The following CADM1 variants were observed in gnomAD, a reference collection of about 807,000 sequenced individuals.
CADM1 encodes cell adhesion molecule 1.
CADM1 carries 15 observed loss-of-function variants against 53.1 expected under a neutral mutation model. That is an observed-to-expected ratio of 0.28 (90% CI 0.19 to 0.44). The LOEUF is 0.44. Ranked by LOEUF, CADM1 falls within the 20% of genes least tolerant of loss-of-function variation. CADM1 has a pLI of 1.00. For missense variants in CADM1, 434 were observed against 611.3 expected (o/e 0.71, Z 3.06); for synonymous variants, 281 against 243.0 (o/e 1.16, Z -1.45).
chr11:115,428,632 G>A (rs1478449798), intron 1 of CADM1, among the ~76,000 whole-genome samples: 1 of 152,086 alleles, frequency 6.6e-6, no homozygotes, highest in Non-Finnish European at 1.5e-5. Flanking sequence ...CCTTGCAATT[G>A]TCTATAAGCT....
chr11:115,310,049 G>C (rs1309023944), intron 1 of CADM1, among the ~76,000 whole-genome samples: 1 of 152,002 alleles, frequency 6.6e-6, no homozygotes, highest in Non-Finnish European at 1.5e-5. Context: ...TTCAAGACTT[G>C]TTAAGTTTCT....
chr11:115,440,058 C>T (rs1948274897), intron 1 of CADM1, among the ~76,000 whole-genome samples: 1 of 152,184 alleles, frequency 6.6e-6, no homozygotes, highest in African/African-American at 2.4e-5. Context: ...CCCGTTTATA[C>T]TCATAAATTA....
At chr11:115,373,129 T>C (rs1347332137) in intron 1 of CADM1, among the ~76,000 whole-genome samples, 1 of 152,180 alleles carries the variant, frequency 6.6e-6, no homozygotes, top group East Asian at 1.9e-4. Flanking sequence ...GGCAGAGCCT[T>C]AGTTGTGAGG....
chr11:115,332,625 G>C (rs535815224), intron 1 of CADM1, among the ~76,000 whole-genome samples: 1 of 152,062 alleles, frequency 6.6e-6, no homozygotes, highest in Admixed American at 6.6e-5. Flanking sequence ...ACATATGCTC[G>C]ATAACGTGTC....
intron 1 of CADM1, among the ~76,000 whole-genome samples, chr11:115,314,814 T>C (rs1451406652): frequency 1.3e-5 from 2 of 152,216 alleles, no homozygotes; most frequent in African/African-American, 2.4e-5. Context: ...AAAGATGATT[T>C]TGTTTCATAG....
intron 1 of CADM1, among the ~76,000 whole-genome samples, chr11:115,283,903 C>T (rs529324026): frequency 5.3e-5 from 8 of 152,252 alleles, no homozygotes; most frequent in Admixed American, 1.3e-4. Flanking sequence ...CCTTGTTCAG[C>T]GTGGTATCTC....
rs114599967 is a variant in CADM1, at chr11:115,447,792, G to T, written c.124+56479C>A. ...ATGAATGGTTTTCCCCAGCATATTA[G>T]AGGGTGGAATTCCAGCAAGTTTCAC... On this transcript the variant is annotated intron_variant, in intron 1 of 11. Transcript: ENST00000331581. 6.7e-3 allele frequency among the ~76,000 whole-genome samples: 1,013 copies of T among 152,280 alleles called. 12 individuals are homozygous for T. The highest frequency in any genetic ancestry group is 0.023 in the African/African-American group (972 of 41,556).
chr11:115,437,537 CAAAA>C (rs1948211216), intron 1 of CADM1, among the ~76,000 whole-genome samples: 1 of 152,170 alleles, frequency 6.6e-6, no homozygotes, highest in African/African-American at 2.4e-5. Context: ...TAATCTCATC[CAAAA>C]GACATTAGGT....
intron 1 of CADM1, among the ~76,000 whole-genome samples, chr11:115,262,694 A>G (rs1238643533): frequency 6.6e-6 from 1 of 152,204 alleles, no homozygotes; most frequent in Admixed American, 6.5e-5. Context: ...TTCTTGAGTG[A>G]ACAAATGAAT....
At chr11:115,244,765 G>T (rs755010319) in intron 1 of CADM1, among the ~76,000 whole-genome samples, 2 of 152,164 alleles carry the variant, frequency 1.3e-5, no homozygotes, top group Non-Finnish European at 2.9e-5. Flanking sequence ...GTTTGCCTAT[G>T]AGCAACTTCT....
intron 1 of CADM1, among the ~76,000 whole-genome samples, chr11:115,371,311 AACAT>A (rs1482178565): frequency 2.6e-5 from 4 of 152,208 alleles, no homozygotes; most frequent in Non-Finnish European, 5.9e-5. Context: ...GGAAAATAGA[AACAT>A]ACAGTCATGA....
chr11:115,404,342 AAAAAATATATATATATATATAT>A (rs1404084511), intron 1 of CADM1, among the ~76,000 whole-genome samples: 1 of 41,530 alleles, frequency 2.4e-5, no homozygotes, highest in African/African-American at 8.0e-5. Flanking sequence ...AAAAAAAAAA[AAAAAATATATATATATATATAT>A]ATATATATAT....
chr11:115,178,786 C>T lies in CADM1; in HGVS notation c.1166-11G>A. 6.2e-7 allele frequency: 1 copy of T among 1,613,882 alleles called. No individual in the cohort carries two copies. The highest frequency in any genetic ancestry group is 8.5e-7 in the Non-Finnish European group (1 of 1,179,966). ...CACCTGCTCGGGAATCTGTTAAAAT[C>T]AGAAGAGGAATAGGGATGTAGAGCT... On this transcript the variant is annotated splice_polypyrimidine_tract_variant and intron_variant, in intron 10 of 11. Coordinates refer to ENST00000331581, the MANE Select transcript of CADM1 (RefSeq NM_001301043.2).
chr11:115,258,922 G>T (rs1942876998), intron 1 of CADM1, among the ~76,000 whole-genome samples: 1 of 152,104 alleles, frequency 6.6e-6, no homozygotes, highest in African/African-American at 2.4e-5. Flanking sequence ...ACAAATGGTA[G>T]TCATAGGTGC....
At chr11:115,355,355 G>A (rs1210483762) in intron 1 of CADM1, among the ~76,000 whole-genome samples, 1 of 152,030 alleles carries the variant, frequency 6.6e-6, no homozygotes, top group African/African-American at 2.4e-5. Flanking sequence ...AACTAACACA[G>A]GAACAGAAAA....
chr11:115,265,399 C>T (rs1471482400), intron 1 of CADM1, among the ~76,000 whole-genome samples: 6 of 152,142 alleles, frequency 3.9e-5, no homozygotes, highest in African/African-American at 1.4e-4. Flanking sequence ...AAGATACAGG[C>T]TATGCCAAAT....
chr11:115,368,112 T>TC (rs2135115624), intron 1 of CADM1, among the ~76,000 whole-genome samples: 1 of 26,040 alleles, frequency 3.8e-5, no homozygotes, highest in East Asian at 7.7e-4. Context: ...ACTAGAGTCT[T>TC]TTTTTTTTTT....
At chr11:115,317,045 C>A (rs1944684917) in intron 1 of CADM1, among the ~76,000 whole-genome samples, 1 of 152,112 alleles carries the variant, frequency 6.6e-6, no homozygotes, top group South Asian at 2.1e-4. Context: ...AAATACGAAG[C>A]ACACTTAAAC....
At chr11:115,357,705 G>A (rs978581247) in intron 1 of CADM1, among the ~76,000 whole-genome samples, 3 of 152,134 alleles carry the variant, frequency 2.0e-5, no homozygotes, top group Non-Finnish European at 2.9e-5. Context: ...CCAGCATATG[G>A]CAAGTGCTCA....
Sources: gnomAD v4.1 joint callset for allele counts (sites outside exome capture counted in the v4.1 genomes callset) on GRCh38, gnomAD v4.1.1 for gene constraint, MANE v1.5 for transcripts, NCBI Gene and HGNC (gene_info 2026-07-23, HGNC 2026-07-21) for gene names.